The following KCNIP3 variants were observed in gnomAD, a reference collection of about 807,000 sequenced individuals.
The protein encoded by KCNIP3 is calsenilin.
In KCNIP3, 28 loss-of-function variants were observed where a neutral mutation model predicts 35.0. The ratio of observed to expected loss-of-function variants is 0.80; its 90% CI spans 0.59 to 1.10. The LOEUF is 1.10. Among genes scored for constraint, KCNIP3 ranks in the 50% least tolerant of loss-of-function variants. KCNIP3 has a pLI of 0.00. For missense variants in KCNIP3, 295 were observed against 338.4 expected, an observed-to-expected ratio of 0.87 and a Z score of 1.01; for synonymous variants, 134 against 133.8, an observed-to-expected ratio of 1.00 and a Z score of -0.01.
chr2:95,328,160 A>C (rs988804234), intron 2 of KCNIP3, among the ~76,000 whole-genome samples: 2 of 152,092 alleles, frequency 1.3e-5, no homozygotes, highest in Non-Finnish European at 2.9e-5. Context: ...CACCACCCCC[A>C]GCCCCCACCA....
At chr2:95,324,234 G>C (rs1678665942) in intron 2 of KCNIP3, among the ~76,000 whole-genome samples, 1 of 152,210 alleles carries the variant, frequency 6.6e-6, no homozygotes, top group Non-Finnish European at 1.5e-5. Flanking sequence ...CGTGAGGGCC[G>C]GGCGCGGTGG....
chr2:95,356,857 C>T (rs1164597676), intron 2 of KCNIP3, among the ~76,000 whole-genome samples: 1 of 152,166 alleles, frequency 6.6e-6, no homozygotes, highest in African/African-American at 2.4e-5. Flanking sequence ...GCAACATTCC[C>T]CCACAGCTAC....
intron 2 of KCNIP3, among the ~76,000 whole-genome samples, chr2:95,344,374 G>A (rs1266915412): frequency 6.6e-6 from 1 of 152,200 alleles, no homozygotes; most frequent in Non-Finnish European, 1.5e-5. Context: ...GCCTCAGTGG[G>A]CCTACGCTGG....
At chr2:95,369,854 G>A (rs970291030) in intron 2 of KCNIP3, among the ~76,000 whole-genome samples, 15 of 152,012 alleles carry the variant, frequency 9.9e-5, no homozygotes, top group Non-Finnish European at 2.1e-4. Context: ...GAACTCCTGG[G>A]CTCAATCAAT....
intron 1 of KCNIP3, among the ~76,000 whole-genome samples, chr2:95,301,122 T>TC (rs3836209): frequency 0.59 from 89,759 of 152,132 alleles, 27,220 homozygotes; most frequent in Non-Finnish European, 0.66. Flanking sequence ...TGGACAGTGC[T>TC]CCAGAGAACC....
chr2:95,352,033 T>G (rs1341608104), intron 2 of KCNIP3, among the ~76,000 whole-genome samples: 1 of 151,980 alleles, frequency 6.6e-6, no homozygotes, highest in Admixed American at 6.6e-5. Flanking sequence ...GAGGCCGAGG[T>G]GGGCAGATCA....
intron 2 of KCNIP3, among the ~76,000 whole-genome samples, chr2:95,360,082 G>A (rs534404572): frequency 2.4e-4 from 37 of 151,582 alleles, no homozygotes; most frequent in African/African-American, 8.0e-4. Context: ...AAACCACACA[G>A]CACCTCAATA....
chr2:95,326,770 C>A (rs1678805971), intron 2 of KCNIP3, among the ~76,000 whole-genome samples: 1 of 152,248 alleles, frequency 6.6e-6, no homozygotes. Context: ...GAATAAATTC[C>A]AAATGCACCT....
chr2:95,366,151 C>A (rs143430207), intron 2 of KCNIP3, among the ~76,000 whole-genome samples: 2 of 151,976 alleles, frequency 1.3e-5, no homozygotes, highest in Non-Finnish European at 2.9e-5. Flanking sequence ...GGGCACCTGG[C>A]GATATAGAAC....
chr2:95,328,109 C>T (rs1435470399), intron 2 of KCNIP3, among the ~76,000 whole-genome samples: 1 of 152,242 alleles, frequency 6.6e-6, no homozygotes, highest in Non-Finnish European at 1.5e-5. Context: ...AGCCTCACCC[C>T]ATGGGGACTT....
At chr2:95,338,526 C>A (rs1558767463) in intron 2 of KCNIP3, among the ~76,000 whole-genome samples, 1 of 152,128 alleles carries the variant, frequency 6.6e-6, no homozygotes, top group Non-Finnish European at 1.5e-5. Flanking sequence ...TTCCTAAAAG[C>A]CCTACCCAGT....
At chr2:95,324,653 C>T (rs1438069317) in intron 2 of KCNIP3, among the ~76,000 whole-genome samples, 1 of 152,022 alleles carries the variant, frequency 6.6e-6, no homozygotes, top group Non-Finnish European at 1.5e-5. Context: ...TGGCTCACGC[C>T]TGTAATCCCA....
intron 1 of KCNIP3, chr2:95,310,141 A>G (rs1678272488): frequency 1.5e-6 from 1 of 685,080 alleles, no homozygotes; most frequent in Non-Finnish European, 2.7e-6. Context: ...CAGGGGTCCC[A>G]TCTTACACCA....
chr2:95,326,360 A>AC (rs1184939434), intron 2 of KCNIP3, among the ~76,000 whole-genome samples: 1 of 152,008 alleles, frequency 6.6e-6, no homozygotes, highest in Non-Finnish European at 1.5e-5. Context: ...ATAAACACAC[A>AC]CCCCAGTACA....
At chr2:95,348,038 G>A (rs1679420778) in intron 2 of KCNIP3, among the ~76,000 whole-genome samples, 1 of 152,268 alleles carries the variant, frequency 6.6e-6, no homozygotes, top group African/African-American at 2.4e-5. Flanking sequence ...GGGGCAGGAA[G>A]CAAGGCTTCC....
intron 1 of KCNIP3, among the ~76,000 whole-genome samples, chr2:95,305,247 G>A (rs921560961): frequency 8.5e-5 from 13 of 152,222 alleles, no homozygotes; most frequent in African/African-American, 2.9e-4. Flanking sequence ...TTGATCATTC[G>A]TGAATATTTA....
intron 2 of KCNIP3, among the ~76,000 whole-genome samples, chr2:95,365,462 C>T (rs1367483679): frequency 6.6e-6 from 1 of 152,102 alleles, no homozygotes; most frequent in East Asian, 1.9e-4. Flanking sequence ...GCACTTGGCC[C>T]CTTATGTCAT....
At chr2:95,368,140 A>C (rs1679961221) in intron 2 of KCNIP3, among the ~76,000 whole-genome samples, 1 of 152,242 alleles carries the variant, frequency 6.6e-6, no homozygotes. Flanking sequence ...TGGAGTAACA[A>C]GTTTTTAAGT....
At chr2:95,348,725 C>A (rs1158779168) in intron 2 of KCNIP3, among the ~76,000 whole-genome samples, 1 of 152,208 alleles carries the variant, frequency 6.6e-6, no homozygotes, top group East Asian at 1.9e-4. Flanking sequence ...TCCCATGAGG[C>A]TCCGTTTTCT....
Sources: gnomAD v4.1 joint callset for allele counts (sites outside exome capture counted in the v4.1 genomes callset) on GRCh38, gnomAD v4.1.1 for gene constraint, MANE v1.5 for transcripts, NCBI Gene and HGNC (gene_info 2026-07-23, HGNC 2026-07-21) for gene names.